Variants in UBE3C observed in about 807,000 individuals in gnomAD.
UBE3C encodes ubiquitin-protein ligase E3C.
Under a neutral mutation model 129.4 loss-of-function variants are expected in UBE3C, and 42 were observed. The observed-to-expected ratio is 0.32, with a 90% CI of 0.25 to 0.42. The LOEUF is 0.42. UBE3C is among the 10% of genes least tolerant of loss of function. The pLI, the probability that UBE3C is intolerant of heterozygous loss-of-function variation, is 1.00. For synonymous variants in UBE3C, 510 were observed against 492.4 expected (o/e 1.04, Z -0.47); for missense variants, 1,049 against 1,319.1 (o/e 0.80, Z 3.17).
At chr7:157,148,821 T>C (rs958403710) in intron 1 of UBE3C, among the ~76,000 whole-genome samples, 1 of 144,056 alleles carries the variant, frequency 6.9e-6, no homozygotes, top group Admixed American at 7.0e-5. Flanking sequence ...ATGATCATAG[T>C]GCACAGCAGC....
intron 18 of UBE3C, among the ~76,000 whole-genome samples, chr7:157,237,184 G>A (rs1268081291): frequency 1.3e-5 from 2 of 152,106 alleles, no homozygotes; most frequent in African/African-American, 4.8e-5. Context: ...GCTCATGCCT[G>A]TAATCCCAAC....
At chr7:157,245,315 G>A (rs1796445349) in intron 18 of UBE3C, among the ~76,000 whole-genome samples, 2 of 152,332 alleles carry the variant, frequency 1.3e-5, no homozygotes, top group Admixed American at 1.3e-4. Context: ...AACATCAAAT[G>A]ATTTACACTT....
chr7:157,266,309 G>A (rs930102364), intron 22 of UBE3C, among the ~76,000 whole-genome samples: 13 of 151,558 alleles, frequency 8.6e-5, no homozygotes, highest in South Asian at 2.1e-4. Flanking sequence ...GCAAGACTCC[G>A]TCTCAAAAAA....
In UBE3C at chr7:157,168,769, T is replaced by C. The variant is rs145152662; in HGVS notation, c.121-279T>C. On this transcript the variant is annotated intron_variant, in intron 2 of 22. Coordinates refer to ENST00000348165, the MANE Select transcript of UBE3C (RefSeq NM_014671.3). ...CCATAAGATAGAAGTAGATGAGTGA[T>C]TGCCAGGGGCAAGAGAAGGGACGGC... is the stretch of plus-strand genomic sequence containing the variant. Among the ~76,000 whole-genome samples, 597 of 152,306 alleles carry C rather than the reference T, an allele frequency of 3.9e-3. 2 individuals carry two copies. The highest frequency in any genetic ancestry group is 6.8e-3 in the Middle Eastern group (2 of 294).
In UBE3C at chr7:157,138,957, T is replaced by C. The variant is rs1807340232; in HGVS notation, c.-316T>C. 1.3e-5 allele frequency: 2 copies of C among 151,986 alleles called. No homozygotes were observed. Among genetic ancestry groups the C allele is most frequent in the Admixed American group, 1.3e-4 (2 of 15,236 alleles). The allele number at this position is 151,986 out of a possible 1,614,324, so 9.4% of individuals were successfully genotyped here. A position where few individuals can be genotyped will look rare whatever the true frequency, so the allele number is the denominator to read the frequency against. On this transcript the variant is annotated 5_prime_UTR_variant, in exon 1 of 23. Coordinates refer to ENST00000348165, the MANE Select transcript of UBE3C (RefSeq NM_014671.3). ...ACTGACGGCTGACCGCCATCTTCCC[T>C]CCCGAGGCGGCAGTTCCAGGTGCAA...
chr7:157,224,791 C>T (rs1402870158), intron 16 of UBE3C, among the ~76,000 whole-genome samples: 9 of 148,594 alleles, frequency 6.1e-5, no homozygotes, highest in African/African-American at 2.3e-4. Context: ...CACACACACA[C>T]ACTCTCTCTC....
chr7:157,201,166 A>G (rs1358215564), intron 10 of UBE3C, among the ~76,000 whole-genome samples: 4 of 151,844 alleles, frequency 2.6e-5, no homozygotes, highest in Admixed American at 6.6e-5. Flanking sequence ...TCTACTAAAA[A>G]TACAAAAATT....
At chr7:157,235,508 C>T (rs564392362) in intron 18 of UBE3C, among the ~76,000 whole-genome samples, 1 of 152,262 alleles carries the variant, frequency 6.6e-6, no homozygotes, top group East Asian at 1.9e-4. Context: ...ACTCATTTCT[C>T]CTCTGTTTAT....
At chr7:157,249,908 G>A (rs1464770417) in intron 19 of UBE3C, among the ~76,000 whole-genome samples, 2 of 152,066 alleles carry the variant, frequency 1.3e-5, no homozygotes, top group South Asian at 2.1e-4. Context: ...AAAACTTTCT[G>A]AGTGCCAACA....
chr7:157,150,401 A>G (rs1807724653), intron 1 of UBE3C, among the ~76,000 whole-genome samples: 1 of 152,122 alleles, frequency 6.6e-6, no homozygotes, highest in Admixed American at 6.5e-5. Flanking sequence ...GAGTCTAACA[A>G]GATATGTCCC....
chr7:157,180,701 A>G (rs1469459596), intron 6 of UBE3C, among the ~76,000 whole-genome samples: 2 of 152,224 alleles, frequency 1.3e-5, no homozygotes, highest in African/African-American at 4.8e-5. Flanking sequence ...ACCCAGAGTT[A>G]TGTTCACTGC....
chr7:157,192,851 A>G, intron 10 of UBE3C: 1 of 1,044,940 alleles, frequency 9.6e-7, no homozygotes, highest in East Asian at 2.4e-5. Context: ...GAGTTAATAA[A>G]AGACATGAAC....
intron 17 of UBE3C, among the ~76,000 whole-genome samples, chr7:157,227,832 T>C (rs1213417605): frequency 1.3e-5 from 2 of 152,204 alleles, no homozygotes; most frequent in African/African-American, 4.8e-5. Context: ...CCCACCTCCC[T>C]AGGGGCATGC....
At chr7:157,223,635 A>G (rs1489176090) in intron 16 of UBE3C, among the ~76,000 whole-genome samples, 1 of 152,096 alleles carries the variant, frequency 6.6e-6, no homozygotes, top group Non-Finnish European at 1.5e-5. Context: ...TAAATTTTGC[A>G]TTATTTGGCC....
intron 18 of UBE3C, among the ~76,000 whole-genome samples, chr7:157,235,968 G>C (rs993846785): frequency 6.6e-6 from 1 of 152,196 alleles, no homozygotes; most frequent in East Asian, 1.9e-4. Context: ...TATATTGATT[G>C]ATTGTGATAT....
intron 22 of UBE3C, among the ~76,000 whole-genome samples, chr7:157,262,014 G>A (rs1053228348): frequency 7.2e-5 from 11 of 152,180 alleles, no homozygotes; most frequent in African/African-American, 2.7e-4. Context: ...ACACTAAAAT[G>A]TGGCATTTAA....
At chr7:157,226,989 A>G (rs1399906858) in intron 17 of UBE3C, among the ~76,000 whole-genome samples, 1 of 152,236 alleles carries the variant, frequency 6.6e-6, no homozygotes, top group Non-Finnish European at 1.5e-5. Flanking sequence ...AATCAATTCT[A>G]ATAGTTCTTA....
chr7:157,224,361 A>AT (rs1287483958), intron 16 of UBE3C, among the ~76,000 whole-genome samples: 1 of 151,784 alleles, frequency 6.6e-6, no homozygotes, highest in Non-Finnish European at 1.5e-5. Context: ...TGCCTGGCTA[A>AT]TTTTTTGTAT....
rs1796536216 is a variant in UBE3C at position 157,248,435 on chromosome 7, C to T, written c.2549C>T (p.Thr850Ile). Residue 850 changes from threonine (T) to isoleucine (I), a missense_variant, in exon 19 of 23, where the codon ACC (threonine) becomes ATC (isoleucine). Thr to Ile is a moderately conservative substitution (Grantham distance 89). This residue lies in a region of UBE3C where 243 missense variants were observed against 368.7 expected (regional missense o/e 0.66). Coordinates refer to ENST00000348165, the MANE Select transcript of UBE3C (RefSeq NM_014671.3). ...AGFFLSKLLG[T>I]SADVDIHHLA... ...TTCTTTCTTTCCAAGTTGCTTGGAACCAGTGCCGACGTGGACATTCACCAC... is the reference window on the plus strand; with the variant it reads ...TTCTTTCTTTCCAAGTTGCTTGGAATCAGTGCCGACGTGGACATTCACCAC... 3 of 1,613,484 alleles carry T rather than the reference C, an allele frequency of 1.9e-6. No homozygotes were observed. The highest frequency in any genetic ancestry group is 1.3e-5 in the African/African-American group (1 of 74,862).
Sources: gnomAD v4.1 joint callset for allele counts (sites outside exome capture counted in the v4.1 genomes callset) on GRCh38, gnomAD v4.1.1 for gene constraint, gnomAD v4.1.1 regional missense constraint, MANE v1.5 for transcripts, NCBI Gene and HGNC (gene_info 2026-07-23, HGNC 2026-07-21) for gene names.